The following UNC5C variants were observed in gnomAD, a reference collection of about 807,000 sequenced individuals.
The protein encoded by UNC5C is netrin receptor UNC5C.
In UNC5C, 47 loss-of-function variants were observed where a neutral mutation model predicts 99.8. The ratio of observed to expected loss-of-function variants is 0.47; its 90% confidence interval spans 0.37 to 0.60. UNC5C has a LOEUF of 0.60. Ranked by LOEUF, UNC5C falls within the 20% of genes least tolerant of loss-of-function variation. The pLI, the probability that UNC5C is intolerant of heterozygous loss-of-function variation, is 0.00. For missense variants in UNC5C, 1,062 were observed against 1,165.9 expected (o/e 0.91, Z 1.30); for synonymous variants, 487 against 452.2 (o/e 1.08, Z -0.98).
intron 14 of UNC5C, among the ~76,000 whole-genome samples, chr4:95,171,645 A>G (rs1229243671): frequency 6.6e-6 from 1 of 151,740 alleles, no homozygotes; most frequent in African/African-American, 2.4e-5. Context: ...TCATTGTTGG[A>G]CATTTGGGTT....
At chr4:95,220,265 A>C in intron 7 of UNC5C, 89 bp from the exon 8 acceptor site, 2 of 1,214,510 alleles carry the variant, frequency 1.6e-6, no homozygotes, top group Middle Eastern at 2.0e-4. Context: ...TCAGACATTT[A>C]CTGCCTTTTT....
chr4:95,324,157 A>C (rs2149414522), intron 2 of UNC5C, among the ~76,000 whole-genome samples: 1 of 152,314 alleles, frequency 6.6e-6, no homozygotes, highest in South Asian at 2.1e-4. Context: ...GAACCGGGCC[A>C]CATGGCAGGA....
intron 4 of UNC5C, among the ~76,000 whole-genome samples, chr4:95,269,563 C>T (rs1740579508): frequency 6.6e-6 from 1 of 152,092 alleles, no homozygotes; most frequent in South Asian, 2.1e-4. Context: ...GCTGAGATTA[C>T]AGTTATGAGC....
chr4:95,208,252 A>T (rs1448587473), intron 10 of UNC5C, among the ~76,000 whole-genome samples: 1 of 152,204 alleles, frequency 6.6e-6, no homozygotes, highest in South Asian at 2.1e-4. Flanking sequence ...ATTATTTAGC[A>T]GGCTCCAGTT....
intron 4 of UNC5C, among the ~76,000 whole-genome samples, chr4:95,254,637 A>G (rs936914842): frequency 1.3e-5 from 2 of 152,172 alleles, no homozygotes; most frequent in African/African-American, 2.4e-5. Flanking sequence ...CCAAATCAAA[A>G]TATGCATCCT....
intron 2 of UNC5C, among the ~76,000 whole-genome samples, chr4:95,334,016 A>G (rs761723693): frequency 6.6e-6 from 1 of 152,050 alleles, no homozygotes; most frequent in Non-Finnish European, 1.5e-5. Context: ...ATACCCAGTT[A>G]TATCTGCAGT....
At chr4:95,348,599 AAAAGTATTTTTTAATGACTGTAT>A (rs1439019873) in intron 1 of UNC5C, among the ~76,000 whole-genome samples, 1 of 149,170 alleles carries the variant, frequency 6.7e-6, no homozygotes, top group Non-Finnish European at 1.5e-5. Context: ...TTCAGTCATT[AAAAGTATTTTTTAATGACTGTAT>A]AGTACTCCAT....
At chr4:95,213,430 T>C (rs978484789) in intron 10 of UNC5C, among the ~76,000 whole-genome samples, 1 of 152,094 alleles carries the variant, frequency 6.6e-6, no homozygotes, top group Non-Finnish European at 1.5e-5. Flanking sequence ...GAGGTAGAAA[T>C]CCTGAGCACA....
intron 1 of UNC5C, among the ~76,000 whole-genome samples, chr4:95,467,385 C>A (rs1222790211): frequency 6.6e-6 from 1 of 151,964 alleles, no homozygotes; most frequent in Non-Finnish European, 1.5e-5. Context: ...GAGAGAGAAA[C>A]ATATAAAGAT....
chr4:95,481,848 A>G (rs927293263), intron 1 of UNC5C, among the ~76,000 whole-genome samples: 14 of 152,234 alleles, frequency 9.2e-5, no homozygotes, highest in African/African-American at 3.1e-4. Context: ...CATCTTATAC[A>G]AAAATTAATT....
At chr4:95,433,957 G>A (rs917675990) in intron 1 of UNC5C, among the ~76,000 whole-genome samples, 4 of 151,848 alleles carry the variant, frequency 2.6e-5, no homozygotes, top group Admixed American at 6.6e-5. Flanking sequence ...CCTCATCTTC[G>A]ATCATCACTT....
chr4:95,454,150 T>A (rs1242067649), intron 1 of UNC5C, among the ~76,000 whole-genome samples: 5 of 152,108 alleles, frequency 3.3e-5, no homozygotes, highest in Non-Finnish European at 7.4e-5. Context: ...ATGGTTATTA[T>A]GTGTTACGCG....
chr4:95,533,490 A>C (rs535395902), intron 1 of UNC5C, among the ~76,000 whole-genome samples: 1 of 152,134 alleles, frequency 6.6e-6, no homozygotes, highest in East Asian at 1.9e-4. Context: ...ATGTGATATC[A>C]TTAAATAATA....
chr4:95,370,057 G>T (rs894858924), intron 1 of UNC5C, among the ~76,000 whole-genome samples: 1 of 152,150 alleles, frequency 6.6e-6, no homozygotes, highest in Non-Finnish European at 1.5e-5. Flanking sequence ...GAATGAGAAA[G>T]GCTTGGTCTA....
At chr4:95,333,862 T>C (rs749162175) in intron 2 of UNC5C, among the ~76,000 whole-genome samples, 26 of 152,254 alleles carry the variant, frequency 1.7e-4, no homozygotes, top group Non-Finnish European at 2.4e-4. Flanking sequence ...AAAGCTTATT[T>C]GTTTGAAATC....
chr4:95,388,611 A>G (rs2149444321), intron 1 of UNC5C, among the ~76,000 whole-genome samples: 1 of 152,256 alleles, frequency 6.6e-6, no homozygotes, highest in Middle Eastern at 3.4e-3. Flanking sequence ...TTCAAGTGTA[A>G]TGATGCCTGT....
At chr4:95,242,126 A>T (rs1017079093) in intron 7 of UNC5C, among the ~76,000 whole-genome samples, 3 of 152,174 alleles carry the variant, frequency 2.0e-5, no homozygotes, top group Non-Finnish European at 4.4e-5. Flanking sequence ...AGGAGTTTAG[A>T]GTGCTCTTTT....
intron 1 of UNC5C, among the ~76,000 whole-genome samples, chr4:95,515,093 G>T (rs539311283): frequency 1.8e-3 from 274 of 152,180 alleles, no homozygotes; most frequent in Middle Eastern, 3.4e-3. Context: ...TAAATGACAG[G>T]AAATTAATCA....
Position 95,278,367 on chromosome 4 carries a change from A to G in UNC5C, c.491-5T>C, listed in dbSNP as rs1319477570. 2 of 1,610,404 alleles carry G rather than the reference A, an allele frequency of 1.2e-6. No homozygotes were observed. The highest frequency in any genetic ancestry group is 2.2e-5 in the East Asian group (1 of 44,870). ...GCTCAAATGTCTTCCGTAGATCTGGAACGTAAAAGTGACAAAATACATGTC... is the reference window on the plus strand; with the variant it reads ...GCTCAAATGTCTTCCGTAGATCTGGGACGTAAAAGTGACAAAATACATGTC... On this transcript the variant is annotated splice_polypyrimidine_tract_variant and splice_region_variant and intron_variant, in intron 3 of 15. Transcript: ENST00000453304.
Sources: gnomAD v4.1 joint callset for allele counts (sites outside exome capture counted in the v4.1 genomes callset) on GRCh38, gnomAD v4.1.1 for gene constraint, MANE v1.5 for transcripts, NCBI Gene and HGNC (gene_info 2026-07-23, HGNC 2026-07-21) for gene names.